The following PTPRG variants were observed in gnomAD, a reference collection of about 807,000 sequenced individuals.
The protein encoded by PTPRG is receptor-type tyrosine-protein phosphatase gamma.
PTPRG carries 102 observed loss-of-function variants against 165.3 expected under a neutral mutation model. The observed-to-expected ratio is 0.62, with a 90% CI of 0.53 to 0.73. PTPRG has a LOEUF of 0.73. Among genes scored for constraint, PTPRG ranks in the 30% least tolerant of loss-of-function variants. PTPRG has a pLI of 0.00. For synonymous variants in PTPRG, 675 were observed against 669.5 expected (o/e 1.01, Z -0.13); for missense variants, 1,866 against 1,861.4 (o/e 1.00, Z -0.05).
chr3:62,172,233 T>A (rs1388686730), intron 8 of PTPRG, among the ~76,000 whole-genome samples: 1 of 152,212 alleles, frequency 6.6e-6, no homozygotes, highest in Non-Finnish European at 1.5e-5. Context: ...TTTGTGTAAA[T>A]ATACATTTTC....
At chr3:62,267,957 C>A in intron 19 of PTPRG, 138 bp downstream of exon 19, 1 of 1,013,756 alleles carries the variant, frequency 9.9e-7, no homozygotes, top group Non-Finnish European at 1.4e-6. Context: ...CTTTATCTTG[C>A]TTATGATTCA....
rs552126278 is a variant in PTPRG, at chr3:61,743,883, TAAGC to T, written c.86-4991_86-4988del. ...TAATTGTGTAATTAAGTTGCTGACA[TAAGC>T]AAGTATGCAATTTCACATTAAGGTG... On this transcript the variant is annotated intron_variant, in intron 1 of 29. Transcript: ENST00000474889. Among the ~76,000 whole-genome samples, 893 of 152,332 alleles carry T rather than the reference TAAGC, an allele frequency of 5.9e-3. 12 individuals are homozygous for T. The highest frequency in any genetic ancestry group is 0.02 in the African/African-American group (845 of 41,564).
intron 1 of PTPRG, among the ~76,000 whole-genome samples, chr3:61,670,228 T>C (rs775083883): frequency 3.9e-5 from 6 of 152,342 alleles, no homozygotes; most frequent in South Asian, 2.1e-4. Flanking sequence ...CAGTGACTTA[T>C]GTTCAAAAAC....
intron 4 of PTPRG, among the ~76,000 whole-genome samples, chr3:62,008,103 A>G (rs1254754886): frequency 6.6e-6 from 1 of 152,198 alleles, no homozygotes; most frequent in African/African-American, 2.4e-5. Flanking sequence ...ATCGTATCCT[A>G]AACTTTTTTC....
At chr3:62,084,272 T>A (rs1031194614) in intron 5 of PTPRG, among the ~76,000 whole-genome samples, 1 of 152,214 alleles carries the variant, frequency 6.6e-6, no homozygotes, top group African/African-American at 2.4e-5. Flanking sequence ...TTAAACTATT[T>A]CTTTTTGACA....
intron 6 of PTPRG, among the ~76,000 whole-genome samples, chr3:62,134,851 A>G (rs1231193492): frequency 6.6e-6 from 1 of 152,222 alleles, no homozygotes; most frequent in African/African-American, 2.4e-5. Context: ...CAAAATATGA[A>G]ATGGGATGAA....
At chr3:61,617,580 A>C (rs1271950556) in intron 1 of PTPRG, among the ~76,000 whole-genome samples, 1 of 152,208 alleles carries the variant, frequency 6.6e-6, no homozygotes, top group Admixed American at 6.5e-5. Context: ...CCAACTGAGA[A>C]AGGCTTAATT....
chr3:62,025,859 A>T (rs1454525627), intron 4 of PTPRG, among the ~76,000 whole-genome samples: 1 of 152,178 alleles, frequency 6.6e-6, no homozygotes. Flanking sequence ...CTTCCTTACG[A>T]ATTGGCTTTT....
chr3:61,616,616 T>G (rs1701304445), intron 1 of PTPRG, among the ~76,000 whole-genome samples: 1 of 152,130 alleles, frequency 6.6e-6, no homozygotes, highest in Non-Finnish European at 1.5e-5. Context: ...GACACCCTCC[T>G]CGTCTCACTT....
intron 1 of PTPRG, among the ~76,000 whole-genome samples, chr3:61,594,368 AGT>A (rs1200302174): frequency 6.6e-6 from 1 of 151,980 alleles, no homozygotes; most frequent in Non-Finnish European, 1.5e-5. Context: ...GAGTGGACCA[AGT>A]GTGAATTGAC....
Position 61,792,471 on chromosome 3 carries a change from CCCTCCTTGG to C in PTPRG, c.190+43496_190+43504del, listed in dbSNP as rs569522601. Among the ~76,000 whole-genome samples the C allele has an allele frequency of 3.1e-3, 476 of 152,182 alleles. 3 individuals are homozygous for C. Among genetic ancestry groups the C allele is most frequent in the Non-Finnish European group, 5.1e-3 (344 of 68,000 alleles). On this transcript the variant is annotated intron_variant, in intron 2 of 29. Coordinates refer to ENST00000474889, the MANE Select transcript of PTPRG (RefSeq NM_002841.4). ...AAAACTCCTGGGCTCAAGCAGTTTT[CCCTCCTTGG>C]CCTCCTAAATGGCTTTACTTCTCCG...
intron 21 of PTPRG, 152 bp from the exon 22 acceptor site, chr3:62,272,794 G>A (rs916555895): frequency 2.6e-5 from 21 of 813,650 alleles, no homozygotes; most frequent in Non-Finnish European, 3.5e-5. Context: ...CCGAGATTGC[G>A]CCACTGCACT....
chr3:61,855,388 G>A (rs919355192), intron 2 of PTPRG, among the ~76,000 whole-genome samples: 2 of 152,126 alleles, frequency 1.3e-5, no homozygotes, highest in Non-Finnish European at 2.9e-5. Flanking sequence ...CTTTCATGGT[G>A]TAGAGAAAGA....
intron 16 of PTPRG, among the ~76,000 whole-genome samples, chr3:62,257,558 C>A (rs1160984816): frequency 6.6e-6 from 1 of 152,126 alleles, no homozygotes; most frequent in East Asian, 1.9e-4. Context: ...AAAACTGAGG[C>A]TGTGGGTGGC....
chr3:61,686,194 A>G (rs1171158302), intron 1 of PTPRG, among the ~76,000 whole-genome samples: 6 of 152,164 alleles, frequency 3.9e-5, no homozygotes, highest in Admixed American at 2.0e-4. Context: ...GTTCTCTAGG[A>G]CCACTTACCT....
chr3:62,284,695 C>G (rs1702571990), intron 28 of PTPRG, among the ~76,000 whole-genome samples: 1 of 152,054 alleles, frequency 6.6e-6, no homozygotes, highest in Admixed American at 6.6e-5. Context: ...TAGCTAAAAC[C>G]AAACTCATCT....
intron 2 of PTPRG, among the ~76,000 whole-genome samples, chr3:61,797,155 A>T (rs1313298699): frequency 6.6e-6 from 1 of 152,348 alleles, no homozygotes; most frequent in Non-Finnish European, 1.5e-5. Context: ...GGTTTCCATC[A>T]TCTGTGAAAT....
At chr3:62,201,735 C>A (rs1348085382) in intron 11 of PTPRG, among the ~76,000 whole-genome samples, 181 bp downstream of exon 11, 1 of 152,146 alleles carries the variant, frequency 6.6e-6, no homozygotes, top group East Asian at 1.9e-4. Flanking sequence ...ACAAGCTGTG[C>A]AACAGTGTTA....
intron 25 of PTPRG, 116 bp from the exon 26 acceptor site, chr3:62,277,435 C>T: frequency 8.4e-7 from 1 of 1,189,850 alleles, no homozygotes. Context: ...ATGCCTTTCT[C>T]AATTATTTTA....
Sources: allele counts gnomAD v4.1 joint callset (sites outside exome capture counted in the v4.1 genomes callset), GRCh38; gene constraint gnomAD v4.1.1; transcripts MANE v1.5; gene names NCBI Gene and HGNC (gene_info 2026-07-23, HGNC 2026-07-21).